ZC3H12C: variants seen among roughly 807,000 people sequenced by gnomAD.
ZC3H12C encodes probable ribonuclease ZC3H12C.
In ZC3H12C, 20 loss-of-function variants were observed where a neutral mutation model predicts 76.3. The observed-to-expected ratio is 0.26, with a 90% CI of 0.18 to 0.38. The LOEUF (loss-of-function observed/expected upper bound fraction) is 0.38. ZC3H12C is among the 10% of genes least tolerant of loss of function. ZC3H12C has a pLI of 1.00. For synonymous variants in ZC3H12C, 352 were observed against 399.6 expected, an observed-to-expected ratio of 0.88 and a Z score of 1.42; for missense variants, 874 against 1,086.5, an observed-to-expected ratio of 0.80 and a Z score of 2.75.
rs1862529246 is a variant in ZC3H12C at position 110,164,074 on chromosome 11, G to A, written c.1256-267G>A. 6.8e-6 allele frequency among the ~76,000 whole-genome samples: 1 copy of A among 147,882 alleles called. No homozygotes were observed. Among genetic ancestry groups the A allele is most frequent in the Non-Finnish European group, 1.5e-5 (1 of 67,292 alleles). ...GAGATCACACCACTGCCCTCCACCTGGGTGACAGAGCAAGACCCTGTCTCA... is the reference window on the plus strand; with the variant it reads ...GAGATCACACCACTGCCCTCCACCTAGGTGACAGAGCAAGACCCTGTCTCA... On this transcript the variant is annotated intron_variant, in intron 5 of 5. Transcript: ENST00000278590. The surrounding 1 kb of genome is among the most constrained non-coding windows in gnomAD (Gnocchi z 5.7).
At chr11:110,130,654 C>T (rs142604631) in intron 1 of ZC3H12C, among the ~76,000 whole-genome samples, 37 of 152,312 alleles carry the variant, frequency 2.4e-4, no homozygotes, top group Non-Finnish European at 7.4e-5. Context: ...TTCTTTGTTT[C>T]GTGCATTAAA....
chr11:110,139,266 A>G (rs989636786), intron 2 of ZC3H12C, among the ~76,000 whole-genome samples: 1 of 152,246 alleles, frequency 6.6e-6, no homozygotes, highest in African/African-American at 2.4e-5. Flanking sequence ...TTCAAACCCA[A>G]AAATGTCTGA....
At position 110,167,218 on chromosome 11, in the gene ZC3H12C, A is replaced by G. The variant is rs908553770; in HGVS notation, c.*1481A>G. On this transcript the variant is annotated 3_prime_UTR_variant, in exon 6 of 6. Transcript: ENST00000278590. ...GGCTATTCTGATTATCCTACATGCTACAGTTTGAAGTGAAGCCCTGAAAAA... is the reference window on the plus strand; with the variant it reads ...GGCTATTCTGATTATCCTACATGCTGCAGTTTGAAGTGAAGCCCTGAAAAA... 1 of 152,190 alleles carries G rather than the reference A, an allele frequency of 6.6e-6. No individual in the cohort carries two copies. Among genetic ancestry groups the G allele is most frequent in the African/African-American group, 2.4e-5 (1 of 41,452 alleles). The allele number at this position is 152,190 out of a possible 1,614,324, so 9.4% of individuals were successfully genotyped here.
chr11:110,105,745 A>G (rs1411489722), intron 1 of ZC3H12C, among the ~76,000 whole-genome samples: 1 of 152,150 alleles, frequency 6.6e-6, no homozygotes, highest in Non-Finnish European at 1.5e-5. Context: ...TTCATTCAGT[A>G]TATCATAAGA....
chr11:110,141,210 G>A (rs1862062311), intron 2 of ZC3H12C, among the ~76,000 whole-genome samples: 1 of 152,080 alleles, frequency 6.6e-6, no homozygotes, highest in Non-Finnish European at 1.5e-5. Flanking sequence ...CTTAAAGTTT[G>A]AACAGAAATC....
intron 1 of ZC3H12C, among the ~76,000 whole-genome samples, chr11:110,095,470 C>T (rs1241493700): frequency 3.3e-5 from 5 of 152,004 alleles, no homozygotes; most frequent in African/African-American, 7.3e-5. Context: ...AAGAAACAAA[C>T]AAGGTATTAA....
intron 1 of ZC3H12C, among the ~76,000 whole-genome samples, chr11:110,118,073 ATATATAT>A (rs1157293275): frequency 2.2e-4 from 12 of 55,642 alleles, no homozygotes; most frequent in African/African-American, 6.2e-4. Context: ...ACACACACAC[ATATATAT>A]TATATATATA....
At chr11:110,112,542 G>T (rs1348120304) in intron 1 of ZC3H12C, among the ~76,000 whole-genome samples, 2 of 152,210 alleles carry the variant, frequency 1.3e-5, no homozygotes, top group East Asian at 3.8e-4. Flanking sequence ...GAGCAACTAG[G>T]AATAAAGTAT....
rs5794672 is a variant in ZC3H12C, at chr11:110,155,298, CAAAAAAAA to C, written c.913+2248_913+2255del. ...TGGGCAACTGAGCAAGACTCCATCT[CAAAAAAAA>C]AAAAAAATAGCGGAAAGTAAAAAAC... On this transcript the variant is annotated intron_variant, in intron 3 of 5. Transcript: ENST00000278590. Among the ~76,000 whole-genome samples the C allele has an allele frequency of 3.5e-5, 5 of 141,114 alleles. 1 individual carries two copies. The highest frequency in any genetic ancestry group is 1.3e-4 in the African/African-American group (5 of 37,472). 92.6% of individuals were successfully genotyped at this position (141,114 alleles called of 152,430 possible).
At chr11:110,130,231 TCTGTCTAAATCTACAG>T (rs1419692095) in intron 1 of ZC3H12C, among the ~76,000 whole-genome samples, 1 of 152,222 alleles carries the variant, frequency 6.6e-6, no homozygotes, top group African/African-American at 2.4e-5. Flanking sequence ...GTTAAATAAT[TCTGTCTAAATCTACAG>T]TTTAGGTAAC....
intron 1 of ZC3H12C, among the ~76,000 whole-genome samples, chr11:110,097,017 T>C (rs938840977): frequency 6.6e-6 from 1 of 152,220 alleles, no homozygotes; most frequent in African/African-American, 2.4e-5. Context: ...TCTCAGACTA[T>C]AGAAATGTAA....
chr11:110,151,825 T>A (rs1285492489), intron 2 of ZC3H12C, among the ~76,000 whole-genome samples: 1 of 152,174 alleles, frequency 6.6e-6, no homozygotes, highest in Non-Finnish European at 1.5e-5. Context: ...TGTTTGTATT[T>A]GGAGCCTTCG....
intron 1 of ZC3H12C, among the ~76,000 whole-genome samples, chr11:110,122,995 G>A (rs905844913): frequency 1.5e-4 from 23 of 152,296 alleles, no homozygotes; most frequent in African/African-American, 5.1e-4. Flanking sequence ...GAGCAAGTGG[G>A]CAGTAGATTT....
rs575273811 is a variant in ZC3H12C at position 110,168,131 on chromosome 11, A to T, written c.*2394A>T. 6.6e-6 allele frequency: 1 copy of T among 152,210 alleles called. No homozygotes were observed. Among genetic ancestry groups the T allele is most frequent in the South Asian group, 2.1e-4 (1 of 4,832 alleles). The allele number at this position is 152,210 out of a possible 1,614,324, so 9.4% of individuals were successfully genotyped here. A position where few individuals can be genotyped will look rare whatever the true frequency, so the allele number is the denominator to read the frequency against. ...AGGTGAGATGTGTGTGACACTTTGA[A>T]TTTGACCTTCTTGTGTTATTAGCTG... is the stretch of plus-strand genomic sequence containing the variant. On this transcript the variant is annotated 3_prime_UTR_variant, in exon 6 of 6. Transcript: ENST00000278590.
At chr11:110,119,511 T>G (rs1161024029) in intron 1 of ZC3H12C, among the ~76,000 whole-genome samples, 1 of 152,184 alleles carries the variant, frequency 6.6e-6, no homozygotes, top group Non-Finnish European at 1.5e-5. Context: ...CTTTCCTGCT[T>G]CTTCTGGCTC....
At chr11:110,128,124 C>CT (rs146627769) in intron 1 of ZC3H12C, among the ~76,000 whole-genome samples, 113 of 147,354 alleles carry the variant, frequency 7.7e-4, no homozygotes, top group East Asian at 2.4e-3. Flanking sequence ...ACTACACTGT[C>CT]TTTTTTTTTT....
chr11:110,129,408 A>G (rs1334702501), intron 1 of ZC3H12C, among the ~76,000 whole-genome samples: 2 of 152,062 alleles, frequency 1.3e-5, no homozygotes, highest in African/African-American at 4.8e-5. Flanking sequence ...TTATTTTGTA[A>G]ATAGAGACGA....
At chr11:110,106,920 G>C (rs1861340032) in intron 1 of ZC3H12C, among the ~76,000 whole-genome samples, 1 of 151,954 alleles carries the variant, frequency 6.6e-6, no homozygotes, top group Admixed American at 6.6e-5. Context: ...TTGTCTTATT[G>C]CATTGGCTGA....
intron 1 of ZC3H12C, among the ~76,000 whole-genome samples, chr11:110,125,628 G>T (rs1331314240): frequency 6.6e-6 from 1 of 152,072 alleles, no homozygotes; most frequent in Non-Finnish European, 1.5e-5. Flanking sequence ...TCTCTAATGT[G>T]TTTAATGTCC....
Sources: gnomAD v4.1 joint callset for allele counts (sites outside exome capture counted in the v4.1 genomes callset) on GRCh38, gnomAD v4.1.1 for gene constraint, Gnocchi (gnomAD v3.1) non-coding constraint, MANE v1.5 for transcripts, NCBI Gene and HGNC (gene_info 2026-07-23, HGNC 2026-07-21) for gene names.